CNTN5: variants seen among roughly 807,000 people sequenced by gnomAD.
CNTN5 encodes contactin 5.
A neutral mutation model predicts 129.1 loss-of-function variants in CNTN5; 77 were observed. That is an observed-to-expected ratio of 0.60 (90% CI 0.50 to 0.72). The LOEUF is 0.72. CNTN5 is among the 30% of genes least tolerant of loss of function. CNTN5 has a pLI of 0.00. For synonymous variants in CNTN5, 509 were observed against 465.6 expected, an observed-to-expected ratio of 1.09 and a Z score of -1.20; for missense variants, 1,478 against 1,328.8, an observed-to-expected ratio of 1.11 and a Z score of -1.75.
chr11:99,648,395 A>G (rs1051811299), intron 3 of CNTN5, among the ~76,000 whole-genome samples: 1 of 151,930 alleles, frequency 6.6e-6, no homozygotes, highest in Non-Finnish European at 1.5e-5. Context: ...TACAATGACT[A>G]TTATCAAAAA....
intron 2 of CNTN5, among the ~76,000 whole-genome samples, chr11:99,507,399 A>AAG (rs1647919777): frequency 6.8e-6 from 1 of 146,748 alleles, no homozygotes. Context: ...AAAAAAAGAA[A>AAG]GGTTTTTCAA....
intron 2 of CNTN5, among the ~76,000 whole-genome samples, chr11:99,373,480 G>A (rs529108843): frequency 5.3e-5 from 8 of 151,668 alleles, no homozygotes; most frequent in South Asian, 2.1e-4. Context: ...TTGGGAGGCC[G>A]AGGTGGGTGG....
chr11:100,287,281 G>C (rs376518334), intron 18 of CNTN5, among the ~76,000 whole-genome samples: 216 of 144,070 alleles, frequency 1.5e-3, no homozygotes, highest in African/African-American at 3.6e-3. Context: ...TCCTCGAGAA[G>C]AGCAACTCCA....
At chr11:99,582,475 G>C (rs1046309174) in intron 3 of CNTN5, among the ~76,000 whole-genome samples, 2 of 152,172 alleles carry the variant, frequency 1.3e-5, no homozygotes, top group Admixed American at 6.5e-5. Flanking sequence ...ATTAGACATA[G>C]ATTTTGTCTT....
intron 2 of CNTN5, among the ~76,000 whole-genome samples, chr11:99,474,947 G>T (rs932800667): frequency 6.6e-6 from 1 of 152,126 alleles, no homozygotes; most frequent in African/African-American, 2.4e-5. Context: ...CAAAACTCAC[G>T]TTGAAATGTA....
chr11:99,084,588 T>C (rs769089754), intron 1 of CNTN5, among the ~76,000 whole-genome samples: 1 of 152,240 alleles, frequency 6.6e-6, no homozygotes, highest in African/African-American at 2.4e-5. Flanking sequence ...ATCCCTGTTT[T>C]CTTAACATTT....
At chr11:99,738,124 C>T (rs7110354) in intron 3 of CNTN5, among the ~76,000 whole-genome samples, 42,886 of 152,008 alleles carry the variant, frequency 0.28, 6,314 homozygotes, top group Admixed American at 0.38. Flanking sequence ...TGCCTCCCGA[C>T]TTCAAATCAT....
intron 3 of CNTN5, among the ~76,000 whole-genome samples, chr11:99,590,669 G>A (rs979028653): frequency 4.6e-5 from 7 of 152,308 alleles, no homozygotes; most frequent in African/African-American, 1.7e-4. Flanking sequence ...AATAGCAAAT[G>A]CAAAGGCTAT....
chr11:99,251,530 A>C (rs948315966), intron 1 of CNTN5, among the ~76,000 whole-genome samples: 1 of 151,860 alleles, frequency 6.6e-6, no homozygotes, highest in Non-Finnish European at 1.5e-5. Flanking sequence ...TTATACAATA[A>C]ATGTAGATGG....
chr11:99,790,796 T>G (rs952890008), intron 3 of CNTN5, among the ~76,000 whole-genome samples: 2 of 152,110 alleles, frequency 1.3e-5, no homozygotes, highest in Non-Finnish European at 2.9e-5. Context: ...TAGCAACATA[T>G]AAGCCATCCC....
Position 99,852,908 on chromosome 11 carries a change from G to A in CNTN5, c.577+7646G>A, listed in dbSNP as rs73557557. Among the ~76,000 whole-genome samples the A allele has an allele frequency of 4.2e-3, 632 of 152,242 alleles. 7 individuals are homozygous for A. The highest frequency in any genetic ancestry group is 0.014 in the African/African-American group (593 of 41,538). ...TTTCCCAAGCATAGGAGATTCCAAA[G>A]CACTAAAGAACAATAGACATTTTAA... On this transcript the variant is annotated intron_variant, in intron 6 of 24. Coordinates refer to ENST00000524871, the MANE Select transcript of CNTN5 (RefSeq NM_014361.4).
intron 3 of CNTN5, among the ~76,000 whole-genome samples, chr11:99,652,232 C>T (rs1167038483): frequency 6.6e-6 from 1 of 151,998 alleles, no homozygotes. Context: ...ACTTTCACCT[C>T]CTAGAAGCTG....
chr11:100,282,104 G>T (rs1950653617), intron 18 of CNTN5, among the ~76,000 whole-genome samples: 1 of 150,926 alleles, frequency 6.6e-6, no homozygotes, highest in African/African-American at 2.4e-5. Flanking sequence ...GGCATATTTG[G>T]TTCATTTGCT....
At chr11:99,925,676 TAAAG>T (rs973914959) in intron 7 of CNTN5, among the ~76,000 whole-genome samples, 48 of 152,196 alleles carry the variant, frequency 3.2e-4, no homozygotes, top group African/African-American at 1.2e-3. Flanking sequence ...CATTTCCTAT[TAAAG>T]AAAGAAAGAA....
At chr11:99,487,624 T>G (rs935561797) in intron 2 of CNTN5, among the ~76,000 whole-genome samples, 5 of 152,208 alleles carry the variant, frequency 3.3e-5, no homozygotes, top group Non-Finnish European at 7.3e-5. Flanking sequence ...CATTTCAGTG[T>G]GCCTAATACA....
In CNTN5 at chr11:99,608,104, A is replaced by T. The variant is rs962335316; in HGVS notation, c.55+51835A>T. On this transcript the variant is annotated intron_variant, in intron 3 of 24. Transcript: ENST00000524871. ...ACCCTAAAACTTAGAGTATAATAAA[A>T]AAAAAAAAAAATCACAGTGTTTGTG... is the stretch of plus-strand genomic sequence containing the variant. 2.7e-3 allele frequency among the ~76,000 whole-genome samples: 402 copies of T among 148,784 alleles called. 4 individuals carry two copies. Among genetic ancestry groups the T allele is most frequent in the African/African-American group, 8.5e-3 (334 of 39,218 alleles).
At chr11:99,583,690 T>A (rs935790004) in intron 3 of CNTN5, among the ~76,000 whole-genome samples, 5 of 152,174 alleles carry the variant, frequency 3.3e-5, no homozygotes, top group Admixed American at 2.6e-4. Context: ...AGTATTAGGG[T>A]GGGAGTGACC....
At chr11:100,210,192 A>T (rs1389822403) in intron 15 of CNTN5, among the ~76,000 whole-genome samples, 2 of 146,666 alleles carry the variant, frequency 1.4e-5, no homozygotes, top group Non-Finnish European at 3.0e-5. Context: ...AAAAAAAAAA[A>T]ATACAAAAAA....
intron 1 of CNTN5, among the ~76,000 whole-genome samples, chr11:99,109,409 TTAGA>T (rs1426046654): frequency 1.3e-5 from 2 of 152,066 alleles, no homozygotes; most frequent in Admixed American, 6.6e-5. Context: ...AGTATATTTG[TTAGA>T]TAGATATTTT....
Sources: allele counts gnomAD v4.1 joint callset (sites outside exome capture counted in the v4.1 genomes callset), GRCh38; gene constraint gnomAD v4.1.1; transcripts MANE v1.5; gene names NCBI Gene and HGNC (gene_info 2026-07-23, HGNC 2026-07-21).